LINGO2: variants seen among roughly 807,000 people sequenced by gnomAD.
The protein encoded by LINGO2 is leucine-rich repeat and immunoglobulin-like domain-containing nogo receptor-interacting protein 2.
In LINGO2, 14 loss-of-function variants were observed where a neutral mutation model predicts 30.6. The ratio of observed to expected loss-of-function variants is 0.46; its 90% CI spans 0.30 to 0.72. The LOEUF (loss-of-function observed/expected upper bound fraction) is 0.72, where lower values mean the gene tolerates loss of function less well. LINGO2 is among the 30% of genes least tolerant of loss of function. The pLI, the probability that LINGO2 is intolerant of heterozygous loss-of-function variation, is 0.07. For missense variants in LINGO2, 729 were observed against 751.7 expected, an observed-to-expected ratio of 0.97 and a Z score of 0.35; for synonymous variants, 317 against 288.5, an observed-to-expected ratio of 1.10 and a Z score of -1.00.
chr9:29,207,015 A>ATGTGTG, the LINGO2 span, among the ~76,000 whole-genome samples: 1 of 150,116 alleles, frequency 6.7e-6, no homozygotes, highest in Non-Finnish European at 1.5e-5. Flanking sequence ...ATCAGGCTAT[A>ATGTGTG]TGTGTGTGTG....
At chr9:28,013,585 G>C (rs999767719) in intron 4 of LINGO2, among the ~76,000 whole-genome samples, 5 of 152,170 alleles carry the variant, frequency 3.3e-5, no homozygotes, top group Non-Finnish European at 7.4e-5. Context: ...GGCAAAGACG[G>C]GGAGTGAATG....
chr9:28,466,811 C>A (rs928494447), intron 2 of LINGO2, among the ~76,000 whole-genome samples: 5 of 152,260 alleles, frequency 3.3e-5, no homozygotes, highest in Middle Eastern at 3.4e-3. Flanking sequence ...GTGTTTTTCT[C>A]TTTTATTAAA....
chr9:28,312,155 C>CTTTTTTTTTTTTT (rs72304845), intron 3 of LINGO2, among the ~76,000 whole-genome samples: 2 of 143,304 alleles, frequency 1.4e-5, no homozygotes, highest in Non-Finnish European at 3.0e-5. Context: ...TTTCTTTTTT[C>CTTTTTTTTTTTTT]TTTTTTTTGT....
intron 3 of LINGO2, among the ~76,000 whole-genome samples, chr9:28,351,353 C>T (rs1343738661): frequency 1.1e-4 from 16 of 147,142 alleles, no homozygotes; most frequent in African/African-American, 4.0e-4. Flanking sequence ...AAACTACCAT[C>T]AGAGAATACT....
At position 28,140,799 on chromosome 9, in the gene LINGO2, A is replaced by T. The variant is rs112747717; in HGVS notation, c.-86-128394T>A. 9.0e-3 allele frequency among the ~76,000 whole-genome samples: 1,377 copies of T among 152,246 alleles called. 22 individuals carry two copies. The highest frequency in any genetic ancestry group is 0.023 in the African/African-American group (961 of 41,554). ...TTACTAAGTTATACACTCCACAAAG[A>T]CAGGATCATTCTTTTATGTATCTCT... On this transcript the variant is annotated intron_variant, in intron 4 of 5. Coordinates refer to ENST00000379992, the Ensembl canonical transcript of LINGO2.
chr9:28,695,698 T>G, the LINGO2 span, among the ~76,000 whole-genome samples: 1 of 148,940 alleles, frequency 6.7e-6, no homozygotes, highest in African/African-American at 2.5e-5. Context: ...TATTGTTGAA[T>G]GAACACAGCA....
the LINGO2 span, among the ~76,000 whole-genome samples, chr9:28,757,111 T>A: frequency 6.6e-6 from 1 of 152,038 alleles, no homozygotes; most frequent in Admixed American, 6.6e-5. Flanking sequence ...TCTCTATAAA[T>A]CCTATAAATG....
chr9:28,642,443 T>G (rs1808792391), intron 1 of LINGO2, among the ~76,000 whole-genome samples: 1 of 152,154 alleles, frequency 6.6e-6, no homozygotes, highest in African/African-American at 2.4e-5. Context: ...ATTGTCATAG[T>G]TTAACAAGAA....
intron 4 of LINGO2, among the ~76,000 whole-genome samples, chr9:28,214,616 G>T (rs1335157342): frequency 6.6e-6 from 1 of 151,516 alleles, no homozygotes; most frequent in Non-Finnish European, 1.5e-5. Flanking sequence ...TTTACTAGGA[G>T]CCCACAGAGG....
At chr9:28,826,686 A>T in the LINGO2 span, among the ~76,000 whole-genome samples, 1 of 152,184 alleles carries the variant, frequency 6.6e-6, no homozygotes, top group African/African-American at 2.4e-5. Context: ...GCTAAATGAT[A>T]ATCAGGAAGT....
chr9:28,355,305 CTCTCTCTCTCTCTCTCTCTCTGTCTCTG>C (rs1820137544), intron 3 of LINGO2, among the ~76,000 whole-genome samples: 1 of 25,712 alleles, frequency 3.9e-5, no homozygotes, highest in East Asian at 8.0e-4. Context: ...CTATGTCTCT[CTCTCTCTCTCTCTCTCTCTCTGTCTCTG>C]TCTCTCTCTC....
chr9:28,756,741 C>A, the LINGO2 span, among the ~76,000 whole-genome samples: 1 of 151,706 alleles, frequency 6.6e-6, no homozygotes, highest in African/African-American at 2.4e-5. Context: ...TTTGACAGTT[C>A]CCCCTTCATG....
chr9:28,438,594 A>G (rs1284090582), intron 2 of LINGO2, among the ~76,000 whole-genome samples: 2 of 152,076 alleles, frequency 1.3e-5, no homozygotes, highest in Non-Finnish European at 2.9e-5. Context: ...ACATCAGCCA[A>G]TTTCTAGCGT....
the LINGO2 span, among the ~76,000 whole-genome samples, chr9:29,157,138 C>T: frequency 6.6e-6 from 1 of 151,928 alleles, no homozygotes; most frequent in East Asian, 1.9e-4. Flanking sequence ...TTTAAAATGC[C>T]ACAAAATGTC....
chr9:28,354,970 T>G (rs1244219987), intron 3 of LINGO2, among the ~76,000 whole-genome samples: 1 of 152,164 alleles, frequency 6.6e-6, no homozygotes, highest in Admixed American at 6.5e-5. Context: ...GCCTTTTCAG[T>G]GCAGCAGCTT....
At chr9:28,963,211 T>G in the LINGO2 span, among the ~76,000 whole-genome samples, 1 of 151,992 alleles carries the variant, frequency 6.6e-6, no homozygotes, top group South Asian at 2.1e-4. Context: ...CAGAACTTTC[T>G]GCAGTGTTGG....
intron 1 of LINGO2, among the ~76,000 whole-genome samples, chr9:28,544,352 T>C (rs1035249795): frequency 2.6e-5 from 4 of 152,158 alleles, no homozygotes; most frequent in Admixed American, 6.5e-5. Flanking sequence ...CTGGAAATCA[T>C]ACCTGTAATG....
chr9:29,048,877 G>A, the LINGO2 span, among the ~76,000 whole-genome samples: 1 of 152,040 alleles, frequency 6.6e-6, no homozygotes, highest in Admixed American at 6.6e-5. Flanking sequence ...AGAAAACATT[G>A]AGAAAAATCT....
chr9:28,655,814 C>T (rs1588033589), intron 1 of LINGO2, among the ~76,000 whole-genome samples: 1 of 152,184 alleles, frequency 6.6e-6, no homozygotes, highest in East Asian at 1.9e-4. Context: ...TTGTAAGTTT[C>T]CTGAGGCCTC....
Sources: allele counts gnomAD v4.1 joint callset (sites outside exome capture counted in the v4.1 genomes callset), GRCh38; gene constraint gnomAD v4.1.1; transcripts MANE v1.5; gene names NCBI Gene and HGNC (gene_info 2026-07-23, HGNC 2026-07-21).